YAP1: variants seen among roughly 807,000 people sequenced by gnomAD.
YAP1 encodes transcriptional coactivator YAP1.
In YAP1, 5 loss-of-function variants were observed where a neutral mutation model predicts 56.9. The ratio of observed to expected loss-of-function variants is 0.09; its 90% confidence interval spans 0.05 to 0.18. YAP1 has a LOEUF of 0.18. YAP1 is among the 10% of genes least tolerant of loss of function. The probability of loss-of-function intolerance (pLI) is 1.00; values close to 1 mark genes in which losing one functional copy is unlikely to be tolerated. For missense variants in YAP1, 539 were observed against 651.8 expected, an observed-to-expected ratio of 0.83 and a Z score of 1.88; for synonymous variants, 265 against 248.1, an observed-to-expected ratio of 1.07 and a Z score of -0.64.
chr11:102,146,080 A>G (rs1486640137), intron 2 of YAP1, among the ~76,000 whole-genome samples: 1 of 152,246 alleles, frequency 6.6e-6, no homozygotes, highest in East Asian at 1.9e-4. Context: ...GTTAAATTAC[A>G]TATAAGTAAT....
intron 6 of YAP1, among the ~76,000 whole-genome samples, chr11:102,221,274 T>C (rs1949914256): frequency 6.6e-6 from 1 of 152,154 alleles, no homozygotes; most frequent in South Asian, 2.1e-4. Context: ...CAAACAATTT[T>C]GGCATTTGGC....
rs1469938697 is a variant in YAP1, at chr11:102,111,183, C to G, written c.321+14C>G. 9 of 1,611,498 alleles carry G rather than the reference C, an allele frequency of 5.6e-6. No individual in the cohort carries two copies. The highest frequency in any genetic ancestry group is 7.6e-6 in the Non-Finnish European group (9 of 1,179,284). Reference sequence around the variant, plus strand: ...CACTCCCGACAGGTAACCTCGTTGCCCCTCTCCCCGTTTCCCCGTCGGGCG... The same window carrying G: ...CACTCCCGACAGGTAACCTCGTTGCGCCTCTCCCCGTTTCCCCGTCGGGCG... On this transcript the variant is annotated intron_variant, in intron 1 of 8. Coordinates refer to ENST00000282441, the MANE Select transcript of YAP1 (RefSeq NM_001130145.3).
Position 102,227,577 on chromosome 11 carries a change from T to C in YAP1, c.1272T>C (p.Asp424=), listed in dbSNP as rs771800478. The stretch of plus-strand genomic sequence containing the variant: ...TCCTGAACAGTGTGGATGAGATGGA[T>C]ACAGGTTGGTATTCTTTATTCCTCT... ...DDFLNSVDEM[D]TGDTINQSTL... Residue 424 remains aspartate, a synonymous_variant, in exon 8 of 9, where the codon GAT becomes GAC. Transcript: ENST00000282441. 7 of 1,607,942 alleles carry C rather than the reference T, an allele frequency of 4.4e-6. No homozygotes were observed. In the South Asian group the frequency reaches 7.7e-5, roughly 18 times the overall value.
intron 6 of YAP1, among the ~76,000 whole-genome samples, chr11:102,223,084 A>C (rs1950022187): frequency 6.6e-6 from 1 of 151,482 alleles, no homozygotes; most frequent in Admixed American, 6.6e-5. Flanking sequence ...TCTCTACTAA[A>C]AAAAATACAA....
intron 7 of YAP1, among the ~76,000 whole-genome samples, chr11:102,224,728 T>C (rs1950110853): frequency 6.6e-6 from 1 of 152,256 alleles, no homozygotes; most frequent in Non-Finnish European, 1.5e-5. Context: ...TTGAAGACCA[T>C]CTAAAATGTA....
chr11:102,127,685 G>A (rs1201597435), intron 2 of YAP1, among the ~76,000 whole-genome samples: 1 of 152,198 alleles, frequency 6.6e-6, no homozygotes, highest in African/African-American at 2.4e-5. Flanking sequence ...TGTGAGAAGA[G>A]AGCCACCATC....
At chr11:102,180,681 CAAAAAAA>C (rs58820066) in intron 3 of YAP1, among the ~76,000 whole-genome samples, 1 of 42,610 alleles carries the variant, frequency 2.3e-5, no homozygotes, top group African/African-American at 8.2e-5. Context: ...GACTCCATCT[CAAAAAAA>C]AAAAAAAAAA....
At chr11:102,227,853 G>C (rs1037146203) in intron 8 of YAP1, among the ~76,000 whole-genome samples, 1 of 151,894 alleles carries the variant, frequency 6.6e-6, no homozygotes, top group Admixed American at 6.6e-5. Flanking sequence ...TGTATTGTTT[G>C]AGCCCAGGAG....
intron 2 of YAP1, among the ~76,000 whole-genome samples, chr11:102,120,059 T>G (rs936873217): frequency 6.6e-6 from 1 of 152,198 alleles, no homozygotes; most frequent in African/African-American, 2.4e-5. Context: ...GATGCACTTC[T>G]TACAAAAAGG....
intron 6 of YAP1, 128 bp from the exon 7 acceptor site, chr11:102,223,494 T>C: frequency 1.0e-6 from 1 of 975,706 alleles, no homozygotes; most frequent in Non-Finnish European, 1.5e-6. Context: ...TTGGGAAATG[T>C]ATTAACTTTA....
At chr11:102,133,566 G>T (rs1944498952) in intron 2 of YAP1, among the ~76,000 whole-genome samples, 1 of 152,132 alleles carries the variant, frequency 6.6e-6, no homozygotes, top group Non-Finnish European at 1.5e-5. Context: ...CACAGGGCTG[G>T]GATTACAGGC....
At chr11:102,122,539 T>G (rs1474473501) in intron 2 of YAP1, among the ~76,000 whole-genome samples, 3 of 152,154 alleles carry the variant, frequency 2.0e-5, no homozygotes, top group Admixed American at 1.3e-4. Context: ...TGAAATTTAA[T>G]TTTTAGGGAA....
chr11:102,162,209 C>T (rs1319052440), intron 2 of YAP1, among the ~76,000 whole-genome samples: 1 of 152,104 alleles, frequency 6.6e-6, no homozygotes, highest in African/African-American at 2.4e-5. Flanking sequence ...AGATGATTTC[C>T]TTTCACTTAA....
chr11:102,159,566 A>G (rs773057634), intron 2 of YAP1, among the ~76,000 whole-genome samples: 3 of 152,184 alleles, frequency 2.0e-5, no homozygotes, highest in Non-Finnish European at 4.4e-5. Flanking sequence ...CCCATTCACC[A>G]TGAAGTTTTT....
intron 4 of YAP1, among the ~76,000 whole-genome samples, chr11:102,204,356 C>T (rs1166528966): frequency 1.3e-5 from 2 of 151,930 alleles, no homozygotes; most frequent in African/African-American, 4.8e-5. Context: ...ATTTTTTCAG[C>T]GCACACTTTG....
intron 4 of YAP1, among the ~76,000 whole-genome samples, chr11:102,197,763 A>G (rs528982883): frequency 1.6e-4 from 24 of 152,280 alleles, no homozygotes; most frequent in African/African-American, 5.8e-4. Context: ...TTTTATTAAA[A>G]CTGGAAACAT....
intron 2 of YAP1, among the ~76,000 whole-genome samples, chr11:102,115,548 C>T (rs902261345): frequency 2.3e-5 from 3 of 127,984 alleles, no homozygotes; most frequent in Admixed American, 7.6e-5. Flanking sequence ...ATGAAAAGTT[C>T]GTACAGTTTT....
intron 3 of YAP1, 95 bp from the exon 4 acceptor site, chr11:102,185,923 A>T: frequency 1.6e-6 from 2 of 1,215,432 alleles, no homozygotes; most frequent in Non-Finnish European, 2.3e-6. Flanking sequence ...TTTTATGTTA[A>T]GATGTGTTTT....
At chr11:102,179,713 A>AT (rs1206057782) in intron 3 of YAP1, among the ~76,000 whole-genome samples, 6 of 151,456 alleles carry the variant, frequency 4.0e-5, no homozygotes, top group African/African-American at 1.5e-4. Context: ...ATGCTGCTTT[A>AT]TTTTTGCTGC....
Sources: gnomAD v4.1 joint callset for allele counts (sites outside exome capture counted in the v4.1 genomes callset) on GRCh38, gnomAD v4.1.1 for gene constraint, MANE v1.5 for transcripts, NCBI Gene and HGNC (gene_info 2026-07-23, HGNC 2026-07-21) for gene names.